SLC3A1: variants seen among roughly 807,000 people sequenced by gnomAD.
SLC3A1 encodes solute carrier family 3 member 1.
In SLC3A1, 78 loss-of-function variants were observed where a neutral mutation model predicts 60.3. The observed-to-expected ratio is 1.29, with a 90% CI of 1.08 to 1.56. The LOEUF is 1.56. Among genes scored for constraint, SLC3A1 ranks in the 40% most tolerant of loss-of-function variants. SLC3A1 has a pLI of 0.00. For synonymous variants in SLC3A1, 392 were observed against 307.9 expected (o/e 1.27, Z -2.86); for missense variants, 1,172 against 858.9 (o/e 1.36, Z -4.56).
At chr2:44,300,964 T>C in intron 5 of SLC3A1, 39 bp from the exon 6 acceptor site, 1 of 1,612,758 alleles carries the variant, frequency 6.2e-7, no homozygotes, top group African/African-American at 1.3e-5. Flanking sequence ...GCATGCAATG[T>C]ATGAAATGAG....
chr2:44,310,489 A>G (rs1407060707), intron 7 of SLC3A1, among the ~76,000 whole-genome samples: 6 of 152,052 alleles, frequency 3.9e-5, no homozygotes, highest in South Asian at 4.1e-4. Flanking sequence ...ATGGTTTCTG[A>G]TAAGAAGTCA....
At chr2:44,280,250 T>G (rs1428353770) in intron 1 of SLC3A1, among the ~76,000 whole-genome samples, 1 of 152,178 alleles carries the variant, frequency 6.6e-6, no homozygotes, top group Non-Finnish European at 1.5e-5. Context: ...CTCTTTCTTT[T>G]TTTTTTGAGA....
rs3074475 is a variant in SLC3A1, at chr2:44,299,031, CTTTTTTTT to C, written c.892-925_892-918del. The stretch of plus-strand genomic sequence containing the variant: ...AAAGCCAGTGGAATAATGTAGATTC[CTTTTTTTT>C]TTTTTTTTTTTTTTAAAAGACAGAG... On this transcript the variant is annotated intron_variant, in intron 4 of 9. Coordinates refer to ENST00000260649, the MANE Select transcript of SLC3A1 (RefSeq NM_000341.4). Among the ~76,000 whole-genome samples, 310 of 124,374 alleles carry C rather than the reference CTTTTTTTT, an allele frequency of 2.5e-3. 1 individual carries two copies. Among genetic ancestry groups the C allele is most frequent in the African/African-American group, 8.6e-3 (287 of 33,260 alleles). The allele number at this position is 124,374 out of a possible 152,430, so 81.6% of individuals were successfully genotyped here.
chr2:44,319,996 A>G (rs542333264), intron 9 of SLC3A1: 2 of 574,642 alleles, frequency 3.5e-6, no homozygotes, highest in South Asian at 4.1e-5. Flanking sequence ...ACTCCCAGAC[A>G]AGCCGAAACC....
chr2:44,291,419 C>T (rs1487795081), intron 4 of SLC3A1, among the ~76,000 whole-genome samples: 2 of 152,164 alleles, frequency 1.3e-5, no homozygotes, highest in African/African-American at 2.4e-5. Flanking sequence ...ATACCCAAGC[C>T]GTGGAGTGTG....
Position 44,320,855 on chromosome 2 carries a change from C to T in SLC3A1, c.*216C>T, listed in dbSNP as rs1672881829. The T allele has an allele frequency of 1.6e-5, 9 of 567,736 alleles. No individual in the cohort carries two copies. In the South Asian group the frequency reaches 1.8e-4, roughly 12 times the overall value. The allele number at this position is 567,736 out of a possible 1,614,324, so 35.2% of individuals were successfully genotyped here. A position where few individuals can be genotyped will look rare whatever the true frequency, so the allele number is the denominator to read the frequency against. ...GCTTATAGGAGCTTATAACTTTATTCAGATAGCATCAATCAGGGATGACCA... is the reference window on the plus strand; with the variant it reads ...GCTTATAGGAGCTTATAACTTTATTTAGATAGCATCAATCAGGGATGACCA... On this transcript the variant is annotated 3_prime_UTR_variant, in exon 10 of 10. Coordinates refer to ENST00000260649, the MANE Select transcript of SLC3A1 (RefSeq NM_000341.4).
intron 8 of SLC3A1, 117 bp downstream of exon 8, chr2:44,312,870 T>C (rs780054307): frequency 1.7e-5 from 14 of 839,266 alleles, no homozygotes; most frequent in Non-Finnish European, 2.5e-5. Flanking sequence ...AAATCATGGT[T>C]ACTTTGCTTT....
chr2:44,316,623 T>A (rs1278766958), intron 9 of SLC3A1, among the ~76,000 whole-genome samples: 1 of 152,086 alleles, frequency 6.6e-6, no homozygotes, highest in African/African-American at 2.4e-5. Flanking sequence ...TCAGAACAGG[T>A]AGGATAAAGA....
intron 6 of SLC3A1, among the ~76,000 whole-genome samples, chr2:44,302,609 A>G (rs756733351): frequency 6.6e-6 from 1 of 152,222 alleles, no homozygotes; most frequent in Non-Finnish European, 1.5e-5. Context: ...TCAAATAGCT[A>G]AAGCCAGCAT....
In SLC3A1 at chr2:44,301,007, C is replaced by T. The variant is rs764029892; in HGVS notation, c.1016C>T (p.Thr339Met). Residue 339 changes from threonine (T) to methionine (M), a missense_variant, in exon 6 of 10, where the codon ACG becomes ATG. Transcript: ENST00000260649. The stretch of plus-strand genomic sequence containing the variant: ...ATGTCGTCCTGGTTTTCAAAGGACA[C>T]GGTCACACAATACTCGGAGCTGTAC... ...IQVNKTQIPD[T>M]VTQYSELYHD... The T allele has an allele frequency of 1.1e-5, 17 of 1,613,862 alleles. No individual in the cohort carries two copies. The highest frequency in any genetic ancestry group is 1.7e-5 in the Admixed American group (1 of 60,004).
At position 44,304,269 on chromosome 2, in the gene SLC3A1, G is replaced by C; in HGVS notation, c.1263G>C (p.Gly421=). Reference sequence around the variant, plus strand: ...TCAGCATGCTAGACACTGTTTCTGGGAACAGCGTGTATGAGGTTATCACAT... The same window carrying C: ...TCAGCATGCTAGACACTGTTTCTGGCAACAGCGTGTATGAGGTTATCACAT... ...NYLSMLDTVS[G]NSVYEVITSW... Residue 421 remains glycine (G), a synonymous_variant, in exon 7 of 10, where the codon GGG becomes GGC. Coordinates refer to ENST00000260649, the MANE Select transcript of SLC3A1 (RefSeq NM_000341.4). 6.2e-7 allele frequency: 1 copy of C among 1,614,118 alleles called. No homozygotes were observed. Among genetic ancestry groups the C allele is most frequent in the East Asian group, 2.2e-5 (1 of 44,880 alleles).
Position 44,298,501 on chromosome 2 carries a change from C to T in SLC3A1, c.892-1470C>T, listed in dbSNP as rs377390773. ...TCAAGCAATTCTCATGCTCAGCCTC[C>T]CAAGTAGCTGGGACTACAGGTGCAT... is the stretch of plus-strand genomic sequence containing the variant. On this transcript the variant is annotated intron_variant, in intron 4 of 9. Transcript: ENST00000260649. Among the ~76,000 whole-genome samples the T allele has an allele frequency of 3.3e-3, 502 of 152,296 alleles. 3 individuals are homozygous for T. Among genetic ancestry groups the T allele is most frequent in the African/African-American group, 0.012 (491 of 41,548 alleles).
rs1671472325 is a variant in SLC3A1, at chr2:44,280,567, T to G, written c.431-149T>G. 18 of 651,018 alleles carry G rather than the reference T, an allele frequency of 2.8e-5. No individual in the cohort carries two copies. In the South Asian group the frequency reaches 3.1e-4, roughly 11 times the overall value. The allele number at this position is 651,018 out of a possible 1,614,324, so 40.3% of individuals were successfully genotyped here. A position where few individuals can be genotyped will look rare whatever the true frequency, so the allele number is the denominator to read the frequency against. ...TTGATATTTTTTGTAGAGCTAGATC[T>G]TCCTATTTGAATTATACTCAAATTC... On this transcript the variant is annotated intron_variant, in intron 1 of 9. Transcript: ENST00000260649.
Position 44,321,162 on chromosome 2 carries a change from G to T in SLC3A1, c.*523G>T. 1.8e-6 allele frequency: 1 copy of T among 569,972 alleles called. No homozygotes were observed. Among genetic ancestry groups the T allele is most frequent in the Non-Finnish European group, 3.2e-6 (1 of 315,850 alleles). 35.3% of individuals were successfully genotyped at this position (569,972 alleles called of 1,614,324 possible). On this transcript the variant is annotated 3_prime_UTR_variant, in exon 10 of 10. Coordinates refer to ENST00000260649, the MANE Select transcript of SLC3A1 (RefSeq NM_000341.4). The stretch of plus-strand genomic sequence containing the variant: ...TGAAAATTACTTTCCTAGGTTAATG[G>T]GCATGTGCATCAATGGAGAGAATAG...
intron 7 of SLC3A1, among the ~76,000 whole-genome samples, chr2:44,307,261 T>C (rs1319501274): frequency 1.3e-5 from 2 of 152,250 alleles, no homozygotes; most frequent in Non-Finnish European, 2.9e-5. Flanking sequence ...AGATTTGTTT[T>C]CACTTTTGGA....
chr2:44,294,642 G>C (rs1181230686), intron 4 of SLC3A1, among the ~76,000 whole-genome samples: 11 of 152,160 alleles, frequency 7.2e-5, no homozygotes, highest in Non-Finnish European at 1.5e-5. Flanking sequence ...ATGTCATGCA[G>C]CTGGACAGCG....
intron 7 of SLC3A1, among the ~76,000 whole-genome samples, chr2:44,309,740 AG>A (rs1672247085): frequency 6.6e-6 from 1 of 152,180 alleles, no homozygotes; most frequent in South Asian, 2.1e-4. Flanking sequence ...CTTGGATTAC[AG>A]GCATGTGCCA....
intron 4 of SLC3A1, among the ~76,000 whole-genome samples, chr2:44,298,309 A>G (rs1169844263): frequency 6.6e-6 from 1 of 152,152 alleles, no homozygotes. Flanking sequence ...ATGATGAGTT[A>G]GTTTTCTTTA....
chr2:44,308,552 T>C (rs1312340539), intron 7 of SLC3A1, among the ~76,000 whole-genome samples: 6 of 152,232 alleles, frequency 3.9e-5, no homozygotes, highest in African/African-American at 7.2e-5. Flanking sequence ...GTTCAGTTTA[T>C]TCCTAAGTAT....
Sources: gnomAD v4.1 joint callset for allele counts (sites outside exome capture counted in the v4.1 genomes callset) on GRCh38, gnomAD v4.1.1 for gene constraint, MANE v1.5 for transcripts, NCBI Gene and HGNC (gene_info 2026-07-23, HGNC 2026-07-21) for gene names.